Variants in SLC35F4 observed in about 807,000 individuals in gnomAD.
The protein encoded by SLC35F4 is solute carrier family 35 member F4.
Under a neutral mutation model 44.2 loss-of-function variants are expected in SLC35F4, and 24 were observed. The ratio of observed to expected loss-of-function variants is 0.54; its 90% CI spans 0.39 to 0.76. SLC35F4 has a LOEUF of 0.76. Ranked by LOEUF, SLC35F4 falls within the 30% of genes least tolerant of loss-of-function variation. SLC35F4 has a pLI of 0.00. For missense variants in SLC35F4, 562 were observed against 586.1 expected, an observed-to-expected ratio of 0.96 and a Z score of 0.42; for synonymous variants, 238 against 223.6, an observed-to-expected ratio of 1.06 and a Z score of -0.57.
chr14:57,630,069 T>TCA (rs2072691117), intron 1 of SLC35F4: 1 of 541,314 alleles, frequency 1.8e-6, no homozygotes, highest in Admixed American at 1.9e-5. Flanking sequence ...TTGCTTATAT[T>TCA]CAATTTGAGG....
At chr14:57,893,567 C>T (rs1201872027) in intron 1 of SLC35F4, among the ~76,000 whole-genome samples, 2 of 152,124 alleles carry the variant, frequency 1.3e-5, no homozygotes, top group Non-Finnish European at 2.9e-5. Context: ...ATTTCAGAAG[C>T]TTAATCTGCT....
At chr14:57,663,358 A>C (rs559081057) in intron 1 of SLC35F4, among the ~76,000 whole-genome samples, 29 of 152,188 alleles carry the variant, frequency 1.9e-4, no homozygotes, top group Non-Finnish European at 3.2e-4. Context: ...CCAAGTGCCA[A>C]TCAGCATTTC....
rs76978704 is a variant in SLC35F4 at position 57,768,221 on chromosome 14, G to A, written c.103+97502C>T. On this transcript the variant is annotated intron_variant, in intron 1 of 7. Transcript: ENST00000556826. ...TATGAATTTTTCCAGATTTCCCATT[G>A]GGTTTACCTACATCAAAATGCTTTT... is the stretch of plus-strand genomic sequence containing the variant. Among the ~76,000 whole-genome samples the A allele has an allele frequency of 7.7e-3, 1,177 of 152,120 alleles. 4 individuals carry two copies. Among genetic ancestry groups the A allele is most frequent in the Non-Finnish European group, 0.014 (954 of 67,976 alleles).
chr14:57,823,685 A>G lies in SLC35F4; in HGVS notation c.103+42038T>C, dbSNP rs146879087. Among the ~76,000 whole-genome samples the G allele has an allele frequency of 1.8e-3, 269 of 152,304 alleles. 1 individual carries two copies. Among genetic ancestry groups the G allele is most frequent in the African/African-American group, 6.1e-3 (253 of 41,572 alleles). ...TGGGCAACTTGCAATCTGACACTAC[A>G]TCTATTCTGGTCTTAATAGATAGGT... On this transcript the variant is annotated intron_variant, in intron 1 of 7. Coordinates refer to ENST00000556826, the MANE Select transcript of SLC35F4 (RefSeq NM_001306087.2).
intron 1 of SLC35F4, among the ~76,000 whole-genome samples, chr14:57,903,875 T>C (rs571453268): frequency 2.6e-5 from 4 of 152,348 alleles, no homozygotes; most frequent in African/African-American, 9.6e-5. Context: ...AACAATAGAT[T>C]TTCCTGAGCA....
At chr14:57,871,339 C>G (rs1161814185) in intron 1 of SLC35F4, among the ~76,000 whole-genome samples, 1 of 152,190 alleles carries the variant, frequency 6.6e-6, no homozygotes, top group Non-Finnish European at 1.5e-5. Context: ...GGAGCCCCAA[C>G]AAGACTGAGA....
intron 1 of SLC35F4, among the ~76,000 whole-genome samples, chr14:57,956,036 AACTAT>A (rs1439148347): frequency 1.3e-5 from 2 of 152,222 alleles, no homozygotes; most frequent in Non-Finnish European, 2.9e-5. Flanking sequence ...CCTGACTTCA[AACTAT>A]ACTATAAGGC....
At chr14:57,641,751 C>CTAGTAAAAG (rs1172299979) in intron 1 of SLC35F4, among the ~76,000 whole-genome samples, 8 of 151,990 alleles carry the variant, frequency 5.3e-5, no homozygotes, top group Non-Finnish European at 8.8e-5. Context: ...TACACTGCAG[C>CTAGTAAAAG]TATTACCTAG....
intron 1 of SLC35F4, among the ~76,000 whole-genome samples, chr14:57,689,968 A>G (rs1305091405): frequency 6.6e-6 from 1 of 152,184 alleles, no homozygotes; most frequent in Non-Finnish European, 1.5e-5. Context: ...CCTAAACTAA[A>G]TGAGTTCATT....
intron 1 of SLC35F4, among the ~76,000 whole-genome samples, chr14:57,751,082 G>C (rs535511864): frequency 6.6e-6 from 1 of 152,090 alleles, no homozygotes; most frequent in Non-Finnish European, 1.5e-5. Context: ...GTCAAACATG[G>C]GGCAGGGACT....
chr14:57,629,838 C>A, intron 1 of SLC35F4: 1 of 332,166 alleles, frequency 3.0e-6, no homozygotes, highest in Non-Finnish European at 6.0e-6. Flanking sequence ...GGAGGATCGG[C>A]AGCCGGAGAT....
chr14:57,926,989 C>T (rs1181048483), intron 1 of SLC35F4, among the ~76,000 whole-genome samples: 1 of 152,182 alleles, frequency 6.6e-6, no homozygotes, highest in African/African-American at 2.4e-5. Flanking sequence ...AAAAGAAGCA[C>T]AGCCAAGTGA....
intron 1 of SLC35F4, among the ~76,000 whole-genome samples, chr14:57,632,763 T>C (rs909249003): frequency 1.3e-5 from 2 of 152,070 alleles, no homozygotes; most frequent in Admixed American, 6.6e-5. Context: ...TGGTGGGATC[T>C]TGGCTCACTG....
At chr14:57,738,449 C>T (rs2076518863) in intron 1 of SLC35F4, among the ~76,000 whole-genome samples, 1 of 152,078 alleles carries the variant, frequency 6.6e-6, no homozygotes, top group South Asian at 2.1e-4. Flanking sequence ...TTGATTCTCA[C>T]TTCTGTACTG....
rs143737240 is a variant in SLC35F4, at chr14:57,654,678, A to T, written c.104-60554T>A. 2.4e-3 allele frequency among the ~76,000 whole-genome samples: 358 copies of T among 152,296 alleles called. 1 individual carries two copies. The Middle Eastern group carries it at 0.027, about 12-fold the overall frequency. ...TTAAGGAACCTTCATACTGTTTTCCATAATGGTTGTACTAGTTTACATTCT... is the reference window on the plus strand; with the variant it reads ...TTAAGGAACCTTCATACTGTTTTCCTTAATGGTTGTACTAGTTTACATTCT... On this transcript the variant is annotated intron_variant, in intron 1 of 7. Transcript: ENST00000556826.
intron 1 of SLC35F4, among the ~76,000 whole-genome samples, chr14:57,919,226 CT>C (rs1421658315): frequency 6.5e-4 from 99 of 152,184 alleles, no homozygotes; most frequent in Non-Finnish European, 2.9e-5. Flanking sequence ...AAGAAATAAA[CT>C]TTTACTATGT....
intron 4 of SLC35F4, among the ~76,000 whole-genome samples, chr14:57,572,951 C>T (rs751925033): frequency 1.4e-5 from 2 of 148,120 alleles, no homozygotes; most frequent in Non-Finnish European, 3.0e-5. Flanking sequence ...ACTTTAAAAT[C>T]CAGATGAAAA....
chr14:57,758,144 TG>T (rs962067272), intron 1 of SLC35F4, among the ~76,000 whole-genome samples: 9 of 152,046 alleles, frequency 5.9e-5, no homozygotes, highest in African/African-American at 1.7e-4. Context: ...GTAAATAATA[TG>T]TTTTTTTGTC....
chr14:57,774,518 G>C (rs1595026299), intron 1 of SLC35F4, among the ~76,000 whole-genome samples: 1 of 152,214 alleles, frequency 6.6e-6, no homozygotes. Context: ...TCCTATGGGA[G>C]ACTTTAGCCC....
Sources: allele counts gnomAD v4.1 joint callset (sites outside exome capture counted in the v4.1 genomes callset), GRCh38; gene constraint gnomAD v4.1.1; transcripts MANE v1.5; gene names NCBI Gene and HGNC (gene_info 2026-07-23, HGNC 2026-07-21).